The following OTOF variants were observed in gnomAD, a reference collection of about 807,000 sequenced individuals.
OTOF encodes the protein otoferlin, also known as fer-1-like family member 2.
Under a neutral mutation model 236.8 loss-of-function variants are expected in OTOF, and 218 were observed. The ratio of observed to expected loss-of-function variants is 0.92; its 90% confidence interval spans 0.82 to 1.03. OTOF has a LOEUF of 1.03. OTOF is among the 50% of genes least tolerant of loss of function. The probability of loss-of-function intolerance (pLI) is 0.00; values close to 1 mark genes in which losing one functional copy is unlikely to be tolerated. For missense variants in OTOF, 2,590 were observed against 2,694.4 expected (o/e 0.96, Z 0.86); for synonymous variants, 1,041 against 1,072.5 (o/e 0.97, Z 0.57).
At chr2:26,510,034 A>T (rs1378100785) in intron 5 of OTOF, among the ~76,000 whole-genome samples, 2 of 152,116 alleles carry the variant, frequency 1.3e-5, no homozygotes, top group Non-Finnish European at 2.9e-5. Flanking sequence ...AGGGGTGCCT[A>T]CAAGACCCAT....
At chr2:26,531,903 G>A (rs1302438611) in intron 2 of OTOF, among the ~76,000 whole-genome samples, 2 of 152,042 alleles carry the variant, frequency 1.3e-5, no homozygotes, top group Non-Finnish European at 2.9e-5. Flanking sequence ...ATACCAGCCT[G>A]GCCAACATGG....
intron 9 of OTOF, among the ~76,000 whole-genome samples, chr2:26,490,994 T>C (rs934086079): frequency 3.9e-5 from 6 of 152,126 alleles, no homozygotes; most frequent in Admixed American, 6.5e-5. Flanking sequence ...CAGCACAAGA[T>C]GGTAACTGAC....
At chr2:26,512,928 T>G (rs1156774041) in intron 5 of OTOF, among the ~76,000 whole-genome samples, 4 of 150,998 alleles carry the variant, frequency 2.6e-5, no homozygotes, top group African/African-American at 7.3e-5. Flanking sequence ...GGGAGGGGGG[T>G]TCCCAATAGC....
intron 36 of OTOF, 40 bp downstream of exon 36, chr2:26,466,674 T>G: frequency 3.1e-6 from 5 of 1,612,330 alleles, no homozygotes; most frequent in Non-Finnish European, 4.2e-6. Context: ...GATGGGAGGA[T>G]GAGGAGACTT....
rs200269526 is a variant in OTOF, at chr2:26,460,034, G to A, written c.5985C>T (p.Leu1995=). 65 of 1,569,380 alleles carry A rather than the reference G, an allele frequency of 4.1e-5. 1 individual carries two copies. In the East Asian group the frequency reaches 4.2e-4, roughly 10 times the overall value. Residue 1995 remains leucine, a synonymous_variant, in exon 46 of 47, where the codon CTC becomes CTT. Coordinates refer to ENST00000272371, the MANE Select transcript of OTOF (RefSeq NM_194248.3). This position sits in a 1 kb window ranked among gnomAD's most constrained non-coding sequence, Gnocchi z 5.3. ...SVPGYLVKKI[L]GA is the part of the protein sequence containing the mutation. ...CAGGAGGCCACTGGGCTCAGGCCCC[G>A]AGGATTTTCTTGACCAGGTAGCCAG...
intron 33 of OTOF, among the ~76,000 whole-genome samples, chr2:26,467,707 A>ATT (rs1664798885): frequency 6.6e-6 from 1 of 152,206 alleles, no homozygotes; most frequent in African/African-American, 2.4e-5. Flanking sequence ...AGGTGTCTGA[A>ATT]GACTGTCTTC....
Position 26,460,829 on chromosome 2 carries a change from C to T in OTOF, c.5712+23G>A, listed in dbSNP as rs927481956. ...CAGCCAGTCCCAGCCCTGCCTACTG[C>T]CCGAGCAGGAAGGGGTGCGCACCGT... On this transcript the variant is annotated intron_variant, in intron 44 of 46. Transcript: ENST00000272371. This position sits in a 1 kb window ranked among gnomAD's most constrained non-coding sequence, Gnocchi z 5.3. The T allele has an allele frequency of 6.2e-7, 1 of 1,614,032 alleles. No individual in the cohort carries two copies. The highest frequency in any genetic ancestry group is 1.7e-5 in the Admixed American group (1 of 60,024).
chr2:26,526,518 G>A (rs1046018015), intron 3 of OTOF, among the ~76,000 whole-genome samples: 6 of 152,326 alleles, frequency 3.9e-5, no homozygotes, highest in African/African-American at 1.4e-4. Context: ...TGGATCAATG[G>A]ATGGATGAAT....
chr2:26,496,342 C>T (rs769502080), intron 8 of OTOF, among the ~76,000 whole-genome samples: 6 of 150,968 alleles, frequency 4.0e-5, no homozygotes, highest in South Asian at 2.1e-4. Context: ...TCAAGCGATT[C>T]TTCTGCCCCA....
rs149725703 is a variant in OTOF at position 26,473,265 on chromosome 2, C to T, written c.3600G>A (p.Pro1200=). 42 of 1,613,236 alleles carry T rather than the reference C, an allele frequency of 2.6e-5. 1 individual carries two copies. The highest frequency in any genetic ancestry group is 6.7e-5 in the East Asian group (3 of 44,880). The part of the protein sequence containing the change: ...VDLPENELLH[P]PLNIRVVDCR... ...AGTCCACCACACGGATGTTCAAGGG[C>T]GGGTGCAGCAGCTCGTTCTCTGGGA... The change falls in exon 29 of 47, where the codon CCG becomes CCA. Residue 1200 remains proline, a synonymous_variant. Transcript: ENST00000272371. This position sits in a 1 kb window ranked among gnomAD's most constrained non-coding sequence, Gnocchi z 7.2.
rs1665159797 is a variant in OTOF, at chr2:26,474,504, C to T, written c.3288+9G>A. The T allele has an allele frequency of 2.5e-6, 4 of 1,592,576 alleles. No individual in the cohort carries two copies. Among genetic ancestry groups the T allele is most frequent in the African/African-American group, 1.3e-5 (1 of 74,442 alleles). ...CCCAGGCCTCAGCCCCTCTTCCCTG[C>T]AGTCCCACCTGCAGCAGCTCGAAGG... On this transcript the variant is annotated intron_variant, in intron 26 of 46. Coordinates refer to ENST00000272371, the MANE Select transcript of OTOF (RefSeq NM_194248.3).
intron 4 of OTOF, 56 bp from the exon 5 acceptor site, chr2:26,516,655 C>T (rs916310280): frequency 1.0e-5 from 16 of 1,567,316 alleles, no homozygotes; most frequent in Middle Eastern, 1.7e-4. Flanking sequence ...ATCTCCACCC[C>T]GTATATGTGG....
At position 26,467,082 on chromosome 2, in the gene OTOF, C is replaced by T. The variant is rs775761790; in HGVS notation, c.4362+17G>A. The T allele has an allele frequency of 1.5e-5, 24 of 1,611,428 alleles. No individual in the cohort carries two copies. Among genetic ancestry groups the T allele is most frequent in the Middle Eastern group, 1.6e-4 (1 of 6,084 alleles). ...GGCTGGCGGGTGCTCAGGCTGGGCC[C>T]GTGCTCCTGGCCTGACCTTGAAGCG... On this transcript the variant is annotated intron_variant, in intron 35 of 46. Transcript: ENST00000272371.
chr2:26,493,453 G>A (rs1046468898), intron 9 of OTOF, among the ~76,000 whole-genome samples: 2 of 152,202 alleles, frequency 1.3e-5, no homozygotes, highest in Admixed American at 6.5e-5. Flanking sequence ...AACAGACTGG[G>A]GAACCCTCCA....
rs541026045 is a variant in OTOF, at chr2:26,543,285, G to A, written c.80-5511C>T. 7.9e-5 allele frequency among the ~76,000 whole-genome samples: 12 copies of A among 152,306 alleles called. No homozygotes were observed. In the South Asian group the frequency reaches 1.0e-3, roughly 13 times the overall value. On this transcript the variant is annotated intron_variant, in intron 1 of 46. Transcript: ENST00000272371. ...AAAAGCCAGGCCCACTCAGGTGTGC[G>A]GCCCGGCACAACGGCCCATGGTCTG...
intron 5 of OTOF, among the ~76,000 whole-genome samples, chr2:26,504,572 T>C (rs576097457): frequency 4.6e-5 from 7 of 152,110 alleles, no homozygotes; most frequent in African/African-American, 1.7e-4. Flanking sequence ...CAGGAACTTA[T>C]GGCAGGCTCC....
At chr2:26,509,205 C>G (rs1666322413) in intron 5 of OTOF, among the ~76,000 whole-genome samples, 2 of 152,220 alleles carry the variant, frequency 1.3e-5, no homozygotes, top group African/African-American at 4.8e-5. Context: ...CTGCTTGTAT[C>G]TCATTCATAT....
chr2:26,519,837 G>A (rs1489869838), intron 3 of OTOF, among the ~76,000 whole-genome samples: 1 of 152,188 alleles, frequency 6.6e-6, no homozygotes, highest in Non-Finnish European at 1.5e-5. Context: ...GATCATCTGC[G>A]AGTGTTCTTG....
In OTOF at chr2:26,461,870, C is replaced by A. The variant is rs1664481982; in HGVS notation, c.5359G>T (p.Gly1787Cys). 1.2e-6 allele frequency: 2 copies of A among 1,614,192 alleles called. No homozygotes were observed. Among genetic ancestry groups the A allele is most frequent in the Non-Finnish European group, 8.5e-7 (1 of 1,180,026 alleles). ...DVHYHSLTGE[G>C]NFNWRYLFPF... is the part of the protein sequence containing the mutation. ...AACAGGTAGCGCCAGTTGAAGTTGCCCTCGCCAGTGAGGGAGTGGTAGTGG... is the reference window on the plus strand; with the variant it reads ...AACAGGTAGCGCCAGTTGAAGTTGCACTCGCCAGTGAGGGAGTGGTAGTGG... The change falls in exon 43 of 47, where the codon GGC becomes TGC. Residue 1787 changes from glycine to cysteine, a missense_variant. By Grantham distance (159) the Gly-to-Cys change is radical (BLOSUM62 -3). Coordinates refer to ENST00000272371, the MANE Select transcript of OTOF (RefSeq NM_194248.3). This position sits in a 1 kb window ranked among gnomAD's most constrained non-coding sequence, Gnocchi z 6.2.
Sources: allele counts gnomAD v4.1 joint callset (sites outside exome capture counted in the v4.1 genomes callset), GRCh38; gene constraint gnomAD v4.1.1; non-coding constraint Gnocchi (gnomAD v3.1); transcripts MANE v1.5; gene names NCBI Gene and HGNC (gene_info 2026-07-23, HGNC 2026-07-21).